The following DIAPH1 variants were observed in gnomAD, a reference collection of about 807,000 sequenced individuals.
DIAPH1 encodes diaphanous related formin 1.
In DIAPH1, 46 loss-of-function variants were observed where a neutral mutation model predicts 140.7. The ratio of observed to expected loss-of-function variants is 0.33; its 90% CI spans 0.26 to 0.42. DIAPH1 has a LOEUF of 0.42. Among genes scored for constraint, DIAPH1 ranks in the 10% least tolerant of loss-of-function variants. The pLI is 1.00. For synonymous variants in DIAPH1, 565 were observed against 551.6 expected (o/e 1.02, Z -0.34); for missense variants, 1,310 against 1,558.7 (o/e 0.84, Z 2.69).
chr5:141,529,990 G>A (rs2099887965), intron 19 of DIAPH1, among the ~76,000 whole-genome samples: 1 of 152,124 alleles, frequency 6.6e-6, no homozygotes, highest in South Asian at 2.1e-4. Flanking sequence ...AGGCTGAGGT[G>A]GGAGGATCAC....
Position 141,618,779 on chromosome 5 carries a change from G to A in DIAPH1, c.117+19C>T, listed in dbSNP as rs1212451803. 1 of 1,523,742 alleles carries A rather than the reference G, an allele frequency of 6.6e-7. No homozygotes were observed. Among genetic ancestry groups the A allele is most frequent in the South Asian group, 1.2e-5 (1 of 83,176 alleles). 94.4% of individuals were successfully genotyped at this position (1,523,742 alleles called of 1,614,324 possible). ...GCGGTTACGGGGCCAGGCAGGAGCG[G>A]GATGGGAGGGACACTCACAAATTTC... On this transcript the variant is annotated intron_variant, in intron 1 of 27. Transcript: ENST00000389054.
intron 9 of DIAPH1, 94 bp from the exon 10 acceptor site, chr5:141,578,719 C>A: frequency 1.1e-6 from 1 of 928,880 alleles, no homozygotes; most frequent in Non-Finnish European, 1.7e-6. Context: ...CCCAATACAA[C>A]CTGAAAGATA....
chr5:141,550,792 T>C (rs934967114), intron 18 of DIAPH1, among the ~76,000 whole-genome samples: 9 of 152,136 alleles, frequency 5.9e-5, no homozygotes, highest in African/African-American at 2.2e-4. Context: ...CCTTGTTCTC[T>C]ACAGTCATTT....
intron 1 of DIAPH1, among the ~76,000 whole-genome samples, chr5:141,614,624 T>C (rs1165383717): frequency 4.6e-5 from 7 of 152,184 alleles, no homozygotes; most frequent in Non-Finnish European, 1.0e-4. Flanking sequence ...TCACCTCCTG[T>C]GAGGGAGAAT....
rs1247699205 is a variant in DIAPH1, at chr5:141,515,464, G to A, written c.*1387C>T. On this transcript the variant is annotated 3_prime_UTR_variant, in exon 28 of 28. Transcript: ENST00000389054. ...TCTTCCTAGCTGGGGATGGAAAGCT[G>A]AGAGGGGCACAAGGAGGGCAAAAGT... The A allele has an allele frequency of 1.3e-5, 2 of 152,256 alleles. No individual in the cohort carries two copies. Among genetic ancestry groups the A allele is most frequent in the African/African-American group, 2.4e-5 (1 of 41,448 alleles). The allele number at this position is 152,256 out of a possible 1,614,324, so 9.4% of individuals were successfully genotyped here.
chr5:141,605,035 A>C (rs1006748230), intron 1 of DIAPH1, among the ~76,000 whole-genome samples: 6 of 152,208 alleles, frequency 3.9e-5, no homozygotes, highest in Non-Finnish European at 5.9e-5. Flanking sequence ...ATGCCAAAGT[A>C]CTTAGGATCT....
At chr5:141,553,772 T>C (rs1004051884) in intron 18 of DIAPH1, among the ~76,000 whole-genome samples, 1 of 150,960 alleles carries the variant, frequency 6.6e-6, no homozygotes, top group Non-Finnish European at 1.5e-5. Context: ...AAAAGAAAAA[T>C]TTAAAGATAG....
chr5:141,597,382 A>G (rs2099899494), intron 1 of DIAPH1, among the ~76,000 whole-genome samples: 1 of 152,200 alleles, frequency 6.6e-6, no homozygotes, highest in Non-Finnish European at 1.5e-5. Flanking sequence ...GAAGAAAAAT[A>G]ATTTCCAAAC....
intron 18 of DIAPH1, among the ~76,000 whole-genome samples, chr5:141,567,538 C>T (rs1174214821): frequency 1.3e-5 from 2 of 152,144 alleles, no homozygotes; most frequent in African/African-American, 4.8e-5. Context: ...CCTAATCTTA[C>T]CGATTTGAGT....
At chr5:141,591,137 A>C (rs2099898332) in intron 1 of DIAPH1, among the ~76,000 whole-genome samples, 1 of 151,936 alleles carries the variant, frequency 6.6e-6, no homozygotes, top group African/African-American at 2.4e-5. Flanking sequence ...TTCGTCTCCA[A>C]ACAGATGACG....
chr5:141,575,112 T>C lies in DIAPH1; in HGVS notation c.1496A>G (p.Gln499Arg), dbSNP rs2099895761. 1.2e-6 allele frequency: 2 copies of C among 1,614,100 alleles called. No homozygotes were observed. Among genetic ancestry groups the C allele is most frequent in the Non-Finnish European group, 1.7e-6 (2 of 1,180,048 alleles). The change falls in exon 15 of 28, where the codon CAG becomes CGG. Residue 499 changes from glutamine (Q) to arginine (R), a missense_variant. Gln to Arg is a conservative substitution (Grantham distance 43, BLOSUM62 1). Transcript: ENST00000389054. ...DSELTARHEL[Q>R]VEMKKMESDF... ...ACTTTCCATCTTTTTCATTTCCACC[T>C]GTAGCTCATGTCGGGCTGTTAACTC...
intron 18 of DIAPH1, among the ~76,000 whole-genome samples, chr5:141,536,635 T>A (rs986933633): frequency 6.6e-6 from 1 of 152,158 alleles, no homozygotes; most frequent in East Asian, 1.9e-4. Flanking sequence ...TCAGGGAAGA[T>A]CTCACTGTAA....
chr5:141,577,487 T>G lies in DIAPH1; in HGVS notation c.1268A>C (p.Asp423Ala). The part of the protein sequence containing the change: ...ILQHLLLVRN[D>A]YEARPQYYKL... ...CACAGCATCTTACCTGGCCTCATAG[T>G]CATTTCGGACCAAGAGTAAGTGCTG... The change falls in exon 12 of 28, where the codon GAC becomes GCC. Residue 423 changes from aspartate (D) to alanine (A), a missense_variant. Around this residue, in one of 3 missense-constraint regions of DIAPH1, gnomAD observed 589 missense variants for 549.3 expected, o/e 1.07. Coordinates refer to ENST00000389054, the MANE Select transcript of DIAPH1 (RefSeq NM_005219.5). The G allele has an allele frequency of 3.7e-6, 6 of 1,612,060 alleles. No homozygotes were observed. The highest frequency in any genetic ancestry group is 5.1e-6 in the Non-Finnish European group (6 of 1,178,118).
intron 27 of DIAPH1, among the ~76,000 whole-genome samples, chr5:141,520,986 C>T (rs983200452): frequency 3.9e-5 from 6 of 152,260 alleles, no homozygotes; most frequent in African/African-American, 1.2e-4. Context: ...CTGCAAGCTC[C>T]GCCTCCTGGG....
At chr5:141,541,555 T>A (rs1019019069) in intron 18 of DIAPH1, among the ~76,000 whole-genome samples, 1 of 151,166 alleles carries the variant, frequency 6.6e-6, no homozygotes, top group East Asian at 1.9e-4. Flanking sequence ...GGTGGTGGTG[T>A]GTGCCTGTAA....
chr5:141,618,794 T>C lies in DIAPH1; in HGVS notation c.117+4A>G. ...GGCAGGAGCGGGATGGGAGGGACAC[T>C]CACAAATTTCTTAGATTTGCCGCCG... On this transcript the variant is annotated splice_donor_region_variant and intron_variant, in intron 1 of 27. Coordinates refer to ENST00000389054, the MANE Select transcript of DIAPH1 (RefSeq NM_005219.5). The C allele has an allele frequency of 6.5e-7, 1 of 1,550,048 alleles. No homozygotes were observed.
chr5:141,577,852 G>A (rs2099896192), intron 11 of DIAPH1: 2 of 499,586 alleles, frequency 4.0e-6, no homozygotes, highest in South Asian at 2.1e-5. Flanking sequence ...CAGAAAATAA[G>A]AGGTAACTGC....
At chr5:141,534,270 G>A (rs960502423) in intron 19 of DIAPH1, 65 bp downstream of exon 19, 2 of 1,283,964 alleles carry the variant, frequency 1.6e-6, no homozygotes, top group Non-Finnish European at 2.3e-6. Flanking sequence ...ATAGATTCAA[G>A]AGAATTAAAA....
chr5:141,555,871 G>C (rs2099892490), intron 18 of DIAPH1, among the ~76,000 whole-genome samples: 2 of 152,306 alleles, frequency 1.3e-5, no homozygotes, highest in Middle Eastern at 3.4e-3. Flanking sequence ...CCTTTTGCTA[G>C]TGGGAACTAT....
Sources: gnomAD v4.1 joint callset for allele counts (sites outside exome capture counted in the v4.1 genomes callset) on GRCh38, gnomAD v4.1.1 for gene constraint, gnomAD v4.1.1 regional missense constraint, MANE v1.5 for transcripts, NCBI Gene and HGNC (gene_info 2026-07-23, HGNC 2026-07-21) for gene names.